Variants in OAS2 observed in about 807,000 individuals in gnomAD.
OAS2 encodes 2'-5'-oligoadenylate synthetase 2, also known as 2'-5'-oligoadenylate synthase 2.
In OAS2, 67 loss-of-function variants were observed where a neutral mutation model predicts 71.3. That is an observed-to-expected ratio of 0.94 (90% confidence interval 0.77 to 1.15). The LOEUF (loss-of-function observed/expected upper bound fraction) is 1.15. OAS2 is among the 50% of genes most tolerant of loss of function. The pLI is 0.00. For synonymous variants in OAS2, 327 were observed against 321.8 expected, an observed-to-expected ratio of 1.02 and a Z score of -0.17; for missense variants, 789 against 822.5, an observed-to-expected ratio of 0.96 and a Z score of 0.50.
At chr12:112,991,478 C>A (rs187222948) in intron 2 of OAS2, among the ~76,000 whole-genome samples, 29 of 152,300 alleles carry the variant, frequency 1.9e-4, no homozygotes, top group Admixed American at 3.3e-4. Context: ...TTTAGGGAGA[C>A]CTGAGACATC....
In OAS2 at chr12:113,010,207, G is replaced by T; in HGVS notation, c.*952G>T. 7.1e-7 allele frequency: 1 copy of T among 1,399,812 alleles called. No homozygotes were observed. Among genetic ancestry groups the T allele is most frequent in the Middle Eastern group, 2.8e-4 (1 of 3,634 alleles). 86.7% of individuals were successfully genotyped at this position (1,399,812 alleles called of 1,614,324 possible). ...AAGAGGTGGCCAAGCCAACCGTGGGGTTAGCTCTAATTATTAAGATATGCA... is the reference window on the plus strand; with the variant it reads ...AAGAGGTGGCCAAGCCAACCGTGGGTTTAGCTCTAATTATTAAGATATGCA... On this transcript the variant is annotated 3_prime_UTR_variant, in exon 10 of 10. Coordinates refer to ENST00000392583, the MANE Select transcript of OAS2 (RefSeq NM_002535.3).
In OAS2 at chr12:113,005,127, A is replaced by C. The variant is rs1261230468; in HGVS notation, c.1373A>C (p.Lys458Thr). Residue 458 changes from lysine (K) to threonine (T), a missense_variant, in exon 7 of 10, where the codon AAG (lysine) becomes ACG (threonine). Physicochemically the swap from Lys to Thr is moderately conservative, Grantham distance 78. Transcript: ENST00000392583. ...CTTGAAGTCAGCTTTGAGCCTCCCA[A>C]GTGGAAGGCTCCCAGGGTGCTGAGC... Reference protein sequence around the residue: ...EELEVSFEPPKWKAPRVLSFS... With the variant: ...EELEVSFEPPTWKAPRVLSFS... 2 of 1,613,910 alleles carry C rather than the reference A, an allele frequency of 1.2e-6. No individual in the cohort carries two copies. The highest frequency in any genetic ancestry group is 1.7e-6 in the Non-Finnish European group (2 of 1,179,914).
chr12:112,999,010 G>A (rs1406945385), intron 5 of OAS2, among the ~76,000 whole-genome samples: 1 of 152,202 alleles, frequency 6.6e-6, no homozygotes, highest in Non-Finnish European at 1.5e-5. Flanking sequence ...AGAGAAAGGG[G>A]GGTACCCAAA....
chr12:113,006,371 T>C (rs1565997724), intron 7 of OAS2, 42 bp from the exon 8 acceptor site: 2 of 1,437,258 alleles, frequency 1.4e-6, no homozygotes, highest in Non-Finnish European at 1.9e-6. Context: ...TGTTACTTAC[T>C]ATGTGTATTA....
chr12:113,005,153 TTC>T lies in OAS2; in HGVS notation c.1405_1406del (p.Leu469GlufsTer12). 6.2e-7 allele frequency: 1 copy of T among 1,614,126 alleles called. No individual in the cohort carries two copies. Among genetic ancestry groups the T allele is most frequent in the Non-Finnish European group, 8.5e-7 (1 of 1,179,990 alleles). On this transcript the variant is annotated frameshift_variant, in exon 7 of 10. Transcript: ENST00000392583. LOFTEE classifies it high-confidence loss of function. Reference sequence around the variant, plus strand: ...GTGGAAGGCTCCCAGGGTGCTGAGCTTCTCTCTGAAATCCAAAGTCCTCAACG... The same window carrying T: ...GTGGAAGGCTCCCAGGGTGCTGAGCTTCTCTGAAATCCAAAGTCCTCAACG... ...PKWKAPRVLS[F>X]SLKSKVLNES...
chr12:113,000,735 G>A (rs1300411417), intron 5 of OAS2, among the ~76,000 whole-genome samples: 1 of 151,584 alleles, frequency 6.6e-6, no homozygotes, highest in Non-Finnish European at 1.5e-5. Flanking sequence ...TCACACACAT[G>A]CACACACATG....
intron 9 of OAS2, 26 bp from the exon 10 acceptor site, chr12:113,009,061 C>T: frequency 1.2e-6 from 2 of 1,605,648 alleles, no homozygotes; most frequent in Non-Finnish European, 8.5e-7. Flanking sequence ...TTGGAATCTC[C>T]TAATGCCTTC....
intron 5 of OAS2, 96 bp from the exon 6 acceptor site, chr12:113,002,836 G>A: frequency 9.3e-7 from 1 of 1,073,810 alleles, no homozygotes; most frequent in Non-Finnish European, 1.4e-6. Flanking sequence ...GGGCAGTTGG[G>A]AGAGGCAGGG....
At position 112,978,761 on chromosome 12, in the gene OAS2, C is replaced by T; in HGVS notation, c.153C>T (p.Phe51=). 2 of 1,613,582 alleles carry T rather than the reference C, an allele frequency of 1.2e-6. No homozygotes were observed. The highest frequency in any genetic ancestry group is 1.3e-5 in the African/African-American group (1 of 75,012). ...ICDVLQEPEQ[F]PLVQGVAIGG... is the part of the protein sequence containing the mutation. ...ACGTCCTGCAGGAACCCGAACAGTT[C>T]CCCCTGGTGCAGGGAGTGGCCATAG... Residue 51 remains phenylalanine (F), a synonymous_variant, in exon 1 of 10, where the codon TTC becomes TTT. Transcript: ENST00000392583. This position sits in a 1 kb window ranked among gnomAD's most constrained non-coding sequence, Gnocchi z 4.2.
At chr12:112,987,350 G>C in intron 2 of OAS2, 42 bp downstream of exon 2, 1 of 1,610,612 alleles carries the variant, frequency 6.2e-7, no homozygotes, top group Non-Finnish European at 8.5e-7. Context: ...CCAAAGAAGC[G>C]GGTGCCAGAC....
intron 2 of OAS2, among the ~76,000 whole-genome samples, chr12:112,989,608 T>C (rs2044172618): frequency 6.6e-6 from 1 of 152,228 alleles, no homozygotes; most frequent in Non-Finnish European, 1.5e-5. Flanking sequence ...AGTTTTATCA[T>C]GCAGCTGAAA....
intron 1 of OAS2, among the ~76,000 whole-genome samples, chr12:112,983,820 T>A (rs554047303): frequency 3.9e-5 from 6 of 152,352 alleles, no homozygotes; most frequent in Non-Finnish European, 7.3e-5. Context: ...TCCATTAAGA[T>A]ACCTGACAGT....
In OAS2 at chr12:113,005,082, G is replaced by A; in HGVS notation, c.1328G>A (p.Trp443Ter). The part of the protein sequence containing the change: ...KEIHEQLKAF[W>*]REKEEELEVS... ...ATCCATGAACAGCTGAAAGCCTTTT[G>A]GAGGGAGAAGGAGGAGGAGCTTGAA... The change falls in exon 7 of 10, where the codon TGG becomes TAG. Residue 443 changes from tryptophan to a stop codon, truncating the protein, a stop_gained. Transcript: ENST00000392583. LOFTEE classifies it high-confidence loss of function. 1.9e-6 allele frequency: 3 copies of A among 1,614,160 alleles called. No homozygotes were observed. The highest frequency in any genetic ancestry group is 2.5e-6 in the Non-Finnish European group (3 of 1,180,026).
intron 1 of OAS2, among the ~76,000 whole-genome samples, chr12:112,980,000 G>A (rs1366221116): frequency 1.3e-5 from 2 of 152,212 alleles, no homozygotes; most frequent in African/African-American, 2.4e-5. Context: ...GCTTTAGTGC[G>A]TGGTTTCTCT....
rs186467249 is a variant in OAS2, at chr12:112,983,746, C to T, written c.178-3292C>T. Among the ~76,000 whole-genome samples, 300 of 152,182 alleles carry T rather than the reference C, an allele frequency of 2.0e-3. 1 individual carries two copies. The highest frequency in any genetic ancestry group is 6.8e-3 in the African/African-American group (281 of 41,502). ...CCAGGAGCGTGTTGTTTAATTTTCA[C>T]GTATTTGTACAATTTCCAAAGTTCC... On this transcript the variant is annotated intron_variant, in intron 1 of 9. Transcript: ENST00000392583.
At chr12:112,992,212 T>C (rs2044198505) in intron 2 of OAS2, among the ~76,000 whole-genome samples, 1 of 151,750 alleles carries the variant, frequency 6.6e-6, no homozygotes, top group East Asian at 1.9e-4. Flanking sequence ...CTGGGCAACA[T>C]AGTGAAACCC....
chr12:113,002,479 G>A (rs938669956), intron 5 of OAS2, among the ~76,000 whole-genome samples: 7 of 152,200 alleles, frequency 4.6e-5, no homozygotes, highest in Non-Finnish European at 8.8e-5. Context: ...CGTGTTTAAC[G>A]CAGGCTGATA....
chr12:112,987,677 T>G, intron 2 of OAS2: 1 of 1,117,736 alleles, frequency 8.9e-7, no homozygotes, highest in Non-Finnish European at 1.1e-6. Context: ...GAGCTGCTGG[T>G]CCGCAGATCA....
At chr12:112,980,124 T>A (rs898072556) in intron 1 of OAS2, among the ~76,000 whole-genome samples, 2 of 152,216 alleles carry the variant, frequency 1.3e-5, no homozygotes, top group African/African-American at 4.8e-5. Flanking sequence ...TGTGTTTTTT[T>A]ATTTTTACAT....
Sources: allele counts gnomAD v4.1 joint callset (sites outside exome capture counted in the v4.1 genomes callset), GRCh38; gene constraint gnomAD v4.1.1; non-coding constraint Gnocchi (gnomAD v3.1); transcripts MANE v1.5; gene names NCBI Gene and HGNC (gene_info 2026-07-23, HGNC 2026-07-21).